KIF3B: variants seen among roughly 807,000 people sequenced by gnomAD.
KIF3B encodes kinesin-like protein KIF3B.
KIF3B carries 38 observed loss-of-function variants against 74.3 expected under a neutral mutation model. The ratio of observed to expected loss-of-function variants is 0.51; its 90% CI spans 0.39 to 0.67. The LOEUF (loss-of-function observed/expected upper bound fraction) is 0.67. KIF3B is among the 30% of genes least tolerant of loss of function. The pLI is 0.00. For missense variants in KIF3B, 649 were observed against 932.0 expected, an observed-to-expected ratio of 0.70 and a Z score of 3.95; for synonymous variants, 326 against 342.5, an observed-to-expected ratio of 0.95 and a Z score of 0.53.
chr20:32,296,600 GA>G (rs376783880), intron 1 of KIF3B, among the ~76,000 whole-genome samples: 54 of 144,874 alleles, frequency 3.7e-4, no homozygotes, highest in East Asian at 1.8e-3. Context: ...TCGGTCTGAA[GA>G]AAAAAAAAAG....
intron 1 of KIF3B, among the ~76,000 whole-genome samples, chr20:32,285,561 G>A (rs2047663894): frequency 1.3e-5 from 2 of 152,158 alleles, no homozygotes; most frequent in Admixed American, 1.3e-4. Flanking sequence ...TGAAAGGATG[G>A]TGGGAACTGG....
chr20:32,312,098 C>T (rs371369608), intron 2 of KIF3B, among the ~76,000 whole-genome samples: 9 of 149,110 alleles, frequency 6.0e-5, no homozygotes, highest in East Asian at 2.0e-4. Context: ...CCACCGTGTC[C>T]GGCTTTTTTT....
At chr20:32,284,404 G>A (rs1292655902) in intron 1 of KIF3B, among the ~76,000 whole-genome samples, 1 of 152,172 alleles carries the variant, frequency 6.6e-6, no homozygotes. Context: ...GTAATATTGA[G>A]CATTTTCTAG....
intron 1 of KIF3B, among the ~76,000 whole-genome samples, chr20:32,299,329 C>T (rs2047730376): frequency 7.1e-6 from 1 of 140,046 alleles, no homozygotes; most frequent in African/African-American, 2.7e-5. Context: ...ATTTGCTGAC[C>T]TCTGCTCTAA....
Position 32,310,723 on chromosome 20 carries a change from A to G in KIF3B, c.946A>G (p.Asn316Asp). ...CAATGCCAAGACTGTGATGGTGGCCAACGTGGGGCCTGCCTCTTACAACGT... is the reference window on the plus strand; with the variant it reads ...CAATGCCAAGACTGTGATGGTGGCCGACGTGGGGCCTGCCTCTTACAACGT... ...GGNAKTVMVA[N>D]VGPASYNVEE... Residue 316 changes from asparagine (N) to aspartate (D), a missense_variant, in exon 2 of 9, where the codon AAC becomes GAC. Asn to Asp is a conservative substitution (Grantham distance 23). Transcript: ENST00000375712. This position sits in a 1 kb window ranked among gnomAD's most constrained non-coding sequence, Gnocchi z 6.5. 1 of 1,614,164 alleles carries G rather than the reference A, an allele frequency of 6.2e-7. No individual in the cohort carries two copies. Among genetic ancestry groups the G allele is most frequent in the Non-Finnish European group, 8.5e-7 (1 of 1,180,034 alleles).
chr20:32,296,607 A>C (rs939755118), intron 1 of KIF3B, among the ~76,000 whole-genome samples: 1 of 152,122 alleles, frequency 6.6e-6, no homozygotes, highest in Non-Finnish European at 1.5e-5. Flanking sequence ...GAAGAAAAAA[A>C]AAAGGGTATA....
intron 1 of KIF3B, among the ~76,000 whole-genome samples, chr20:32,289,601 CTGTT>C (rs200731482): frequency 1.3e-5 from 2 of 152,148 alleles, no homozygotes; most frequent in East Asian, 3.8e-4. Context: ...ACATTGTTGT[CTGTT>C]CTTATATTTA....
At chr20:32,306,664 A>G (rs1237883714) in intron 1 of KIF3B, among the ~76,000 whole-genome samples, 2 of 128,886 alleles carry the variant, frequency 1.6e-5, no homozygotes, top group Non-Finnish European at 3.1e-5. Context: ...ATCTCGGCTC[A>G]CTGCAATGCA....
chr20:32,301,011 C>A (rs568401166), intron 1 of KIF3B, among the ~76,000 whole-genome samples: 1 of 151,016 alleles, frequency 6.6e-6, no homozygotes, highest in Non-Finnish European at 1.5e-5. Context: ...CACAGGCAAG[C>A]GGCACCATGC....
chr20:32,327,432 T>A, intron 6 of KIF3B, 124 bp from the exon 7 acceptor site: 3 of 683,830 alleles, frequency 4.4e-6, no homozygotes, highest in Non-Finnish European at 7.6e-6. Context: ...ACAGAAGCAT[T>A]TCCCGTCCCA....
At chr20:32,318,962 CTTT>C (rs761729656) in intron 5 of KIF3B, among the ~76,000 whole-genome samples, 1 of 142,920 alleles carries the variant, frequency 7.0e-6, no homozygotes, top group Non-Finnish European at 1.5e-5. Flanking sequence ...TCCACATCTT[CTTT>C]TTTTTTTTTT....
At chr20:32,314,251 T>C (rs1160896982) in intron 2 of KIF3B, among the ~76,000 whole-genome samples, 1 of 152,154 alleles carries the variant, frequency 6.6e-6, no homozygotes. Context: ...CATAAAAGAA[T>C]GTTAGAGGCT....
chr20:32,294,574 T>C (rs758306343), intron 1 of KIF3B, among the ~76,000 whole-genome samples: 2 of 152,242 alleles, frequency 1.3e-5, no homozygotes, highest in Non-Finnish European at 2.9e-5. Flanking sequence ...ATTAGTACTT[T>C]TCAATGTTAA....
chr20:32,305,592 T>TTG (rs1472160756), intron 1 of KIF3B, among the ~76,000 whole-genome samples: 1,004 of 88,446 alleles, frequency 0.011, 75 homozygotes, highest in East Asian at 0.083. Context: ...TTTTTTTTTT[T>TTG]TGTGTGTGTA....
Position 32,309,970 on chromosome 20 carries a change from T to C in KIF3B, c.193T>C (p.Trp65Arg). ...CTTCACCTTTGATGCCGTCTATGAC[T>C]GGAATGCCAAGCAGTTTGAACTGTA... ...KTFTFDAVYD[W>R]NAKQFELYDE... is the part of the protein sequence containing the mutation. Residue 65 changes from tryptophan to arginine, a missense_variant, in exon 2 of 9, where the codon TGG becomes CGG. Trp to Arg is a moderately radical substitution (Grantham distance 101). Transcript: ENST00000375712. 4.3e-6 allele frequency: 7 copies of C among 1,614,184 alleles called. No homozygotes were observed. The highest frequency in any genetic ancestry group is 5.9e-6 in the Non-Finnish European group (7 of 1,180,024).
At chr20:32,281,035 T>G (rs1189823089) in intron 1 of KIF3B, among the ~76,000 whole-genome samples, 2 of 152,196 alleles carry the variant, frequency 1.3e-5, no homozygotes, top group Non-Finnish European at 2.9e-5. Context: ...TCAGATTGCT[T>G]CCTAAGCCTT....
rs2047910732 is a variant in KIF3B, at chr20:32,327,651, C to T, written c.1958C>T (p.Ala653Val). Residue 653 changes from alanine to valine, a missense_variant, in exon 7 of 9, where the codon GCC (alanine) becomes GTC (valine). Physicochemically the swap from Ala to Val is moderately conservative, Grantham distance 64 (BLOSUM62 0). Coordinates refer to ENST00000375712, the MANE Select transcript of KIF3B (RefSeq NM_004798.4). Reference protein sequence around the residue: ...ARMSMMIRPEARYRAENIVLL... With the variant: ...ARMSMMIRPEVRYRAENIVLL... ...ATGTCCATGATGATTCGTCCAGAGG[C>T]CCGATATAGGGTGAGAAGATCCTTC... 4 of 1,612,160 alleles carry T rather than the reference C, an allele frequency of 2.5e-6. No individual in the cohort carries two copies. In the East Asian group the frequency reaches 6.7e-5, roughly 27 times the overall value.
intron 1 of KIF3B, among the ~76,000 whole-genome samples, chr20:32,298,280 TACA>T (rs977848952): frequency 6.6e-6 from 1 of 150,858 alleles, no homozygotes; most frequent in African/African-American, 2.4e-5. Flanking sequence ...TACAAACAGA[TACA>T]ACAATTAATT....
chr20:32,311,013 T>G lies in KIF3B; in HGVS notation c.1236T>G (p.Asp412Glu), dbSNP rs2047797630. The G allele has an allele frequency of 1.2e-6, 2 of 1,613,200 alleles. No individual in the cohort carries two copies. The highest frequency in any genetic ancestry group is 1.3e-5 in the African/African-American group (1 of 74,706). Residue 412 changes from aspartate (D) to glutamate (E), a missense_variant, in exon 2 of 9, where the codon GAT (aspartate) becomes GAG (glutamate). Asp to Glu is a conservative substitution (Grantham distance 45). Coordinates refer to ENST00000375712, the MANE Select transcript of KIF3B (RefSeq NM_004798.4). ...AGGAGGAAGGGGATGATAAGGATGA[T>G]TACTGGCGGGAACAGCAAGAAAAAC... Reference protein sequence around the residue: ...EGEEEGDDKDDYWREQQEKLE... With the variant: ...EGEEEGDDKDEYWREQQEKLE...
Sources: gnomAD v4.1 joint callset for allele counts (sites outside exome capture counted in the v4.1 genomes callset) on GRCh38, gnomAD v4.1.1 for gene constraint, Gnocchi (gnomAD v3.1) non-coding constraint, MANE v1.5 for transcripts, NCBI Gene and HGNC (gene_info 2026-07-23, HGNC 2026-07-21) for gene names.